The following SLC39A14 variants were observed in gnomAD, a reference collection of about 807,000 sequenced individuals.
SLC39A14 encodes the protein solute carrier family 39 member 14, also known as metal cation symporter ZIP14.
SLC39A14 carries 19 observed loss-of-function variants against 45.5 expected under a neutral mutation model. The ratio of observed to expected loss-of-function variants is 0.42; its 90% CI spans 0.29 to 0.61. The LOEUF is 0.61. Ranked by LOEUF, SLC39A14 falls within the 20% of genes least tolerant of loss-of-function variation. The pLI, the probability that SLC39A14 is intolerant of heterozygous loss-of-function variation, is 0.22. For synonymous variants in SLC39A14, 264 were observed against 251.3 expected (o/e 1.05, Z -0.48); for missense variants, 447 against 616.5 (o/e 0.73, Z 2.91).
downstream of SLC39A14, among the ~76,000 whole-genome samples, chr8:22,426,539 C>T (rs1836390836): frequency 6.6e-6 from 1 of 152,170 alleles, no homozygotes. Flanking sequence ...ATTTGTGGAA[C>T]ACTGAGGTTC....
At chr8:22,406,860 G>A (rs1835251029) in intron 2 of SLC39A14, among the ~76,000 whole-genome samples, 2 of 152,272 alleles carry the variant, frequency 1.3e-5, no homozygotes, top group South Asian at 2.1e-4. Flanking sequence ...TCGGGGTGGC[G>A]GGAGTCCAGC....
chr8:22,397,536 C>T (rs988487792), intron 1 of SLC39A14, among the ~76,000 whole-genome samples: 3 of 152,108 alleles, frequency 2.0e-5, no homozygotes, highest in Admixed American at 6.5e-5. Flanking sequence ...CGAGATAGCG[C>T]CGCTGCACTC....
At chr8:22,423,788 C>T (rs1475700667), downstream of SLC39A14, among the ~76,000 whole-genome samples, 3 of 143,976 alleles carry the variant, frequency 2.1e-5, no homozygotes, top group South Asian at 4.5e-4. Flanking sequence ...TAATTGGTTT[C>T]TCTCTCTCTC....
At chr8:22,379,678 C>T (rs111442115) in intron 1 of SLC39A14, among the ~76,000 whole-genome samples, 4,799 of 152,216 alleles carry the variant, frequency 0.032, 233 homozygotes, top group African/African-American at 0.11. Flanking sequence ...CCCCTGTAAT[C>T]CCAGCACTTT....
chr8:22,402,003 G>C (rs1049885885), intron 1 of SLC39A14, among the ~76,000 whole-genome samples: 6 of 152,010 alleles, frequency 3.9e-5, no homozygotes, highest in Admixed American at 3.3e-4. Context: ...TTTACTTTTG[G>C]ATTACTTCTA....
At chr8:22,406,534 A>C (rs917677860) in intron 2 of SLC39A14, among the ~76,000 whole-genome samples, 3 of 152,164 alleles carry the variant, frequency 2.0e-5, no homozygotes, top group Admixed American at 2.0e-4. Context: ...TCTGCTAAAA[A>C]TACAAAAATT....
chr8:22,401,725 G>A (rs937659697), intron 1 of SLC39A14, among the ~76,000 whole-genome samples: 5 of 151,662 alleles, frequency 3.3e-5, no homozygotes, highest in Admixed American at 6.6e-5. Flanking sequence ...TACTACAGAC[G>A]GGGTTTCACC....
At chr8:22,388,994 G>T (rs560925101) in intron 1 of SLC39A14, among the ~76,000 whole-genome samples, 4 of 152,194 alleles carry the variant, frequency 2.6e-5, no homozygotes, top group African/African-American at 4.8e-5. Flanking sequence ...TCTTGCTGGC[G>T]CCCTGGTCGT....
At chr8:22,380,071 T>C (rs1189023929) in intron 1 of SLC39A14, among the ~76,000 whole-genome samples, 4 of 151,980 alleles carry the variant, frequency 2.6e-5, no homozygotes, top group African/African-American at 9.7e-5. Flanking sequence ...CTAGAGATGG[T>C]TTAAAGTCTA....
intron 1 of SLC39A14, among the ~76,000 whole-genome samples, chr8:22,404,294 C>T (rs893910000): frequency 2.0e-5 from 3 of 151,718 alleles, no homozygotes; most frequent in African/African-American, 4.8e-5. Context: ...GGTGTGGTGG[C>T]GGGCCCCTGT....
intron 1 of SLC39A14, among the ~76,000 whole-genome samples, chr8:22,384,879 G>A (rs187962294): frequency 2.0e-5 from 3 of 152,010 alleles, no homozygotes; most frequent in East Asian, 3.9e-4. Flanking sequence ...GTGAAACCCC[G>A]TCTCTACTAA....
In SLC39A14 at chr8:22,408,453, G is replaced by A. The variant is rs1835358102; in HGVS notation, c.414G>A (p.Glu138=). 2 of 1,614,060 alleles carry A rather than the reference G, an allele frequency of 1.2e-6. No homozygotes were observed. Residue 138 remains glutamate, a synonymous_variant, in exon 3 of 9, where the codon GAG becomes GAA. Coordinates refer to ENST00000381237, the MANE Select transcript of SLC39A14 (RefSeq NM_001128431.4). ...GCACCTCGGAGAACCAGGAAAACGA[G>A]GAGAATGAGCAGACGGAGGAGGGGC... ...RACTSENQEN[E]ENEQTEEGRP...
At chr8:22,418,289 G>GT (rs1836010390) in intron 8 of SLC39A14, among the ~76,000 whole-genome samples, 1 of 152,112 alleles carries the variant, frequency 6.6e-6, no homozygotes, top group African/African-American at 2.4e-5. Flanking sequence ...CCATTCAGCG[G>GT]TTTTTAAGGG....
intron 1 of SLC39A14, among the ~76,000 whole-genome samples, chr8:22,399,468 G>T (rs1432266615): frequency 6.6e-6 from 1 of 152,252 alleles, no homozygotes; most frequent in Non-Finnish European, 1.5e-5. Flanking sequence ...CCTTGCGGGT[G>T]AGTGCATGTC....
Position 22,415,888 on chromosome 8 carries a change from C to T in SLC39A14, c.870C>T (p.Cys290=). The change falls in exon 6 of 9, where the codon TGC becomes TGT. Residue 290 remains cysteine (C), a synonymous_variant. Coordinates refer to ENST00000381237, the MANE Select transcript of SLC39A14 (RefSeq NM_001128431.4). ...TGGACCACATGATTCCTCAGCACTGCAGCAGTGAGCTGGACGGCAAGGCGC... is the reference window on the plus strand; with the variant it reads ...TGGACCACATGATTCCTCAGCACTGTAGCAGTGAGCTGGACGGCAAGGCGC... ...GDLDHMIPQH[C]SSELDGKAPM... 1.2e-6 allele frequency: 2 copies of T among 1,612,654 alleles called. No homozygotes were observed. Among genetic ancestry groups the T allele is most frequent in the Admixed American group, 3.4e-5 (2 of 59,516 alleles).
At chr8:22,417,868 C>T (rs372466516) in intron 8 of SLC39A14, 33 bp downstream of exon 8, 52 of 1,571,828 alleles carry the variant, frequency 3.3e-5, no homozygotes, top group South Asian at 5.7e-5. Context: ...GATGAGAGGG[C>T]GGCTAAGGGG....
At chr8:22,431,508 T>C (rs1836466821) in intron 8 of SLC39A14, among the ~76,000 whole-genome samples, 1 of 152,222 alleles carries the variant, frequency 6.6e-6, no homozygotes, top group South Asian at 2.1e-4. Flanking sequence ...TTCCCTGTGC[T>C]TTTGTTAAAT....
Position 22,414,713 on chromosome 8 carries a change from A to G in SLC39A14, c.628-67A>G, listed in dbSNP as rs2280522. 0.033 allele frequency: 50,279 copies of G among 1,515,698 alleles called. 10,036 individuals are homozygous for G. The African/African-American group carries it at 0.51, about 15-fold the overall frequency. 93.9% of individuals were successfully genotyped at this position (1,515,698 alleles called of 1,614,324 possible). On this transcript the variant is annotated intron_variant, in intron 4 of 8. Transcript: ENST00000381237. ...CTAGAGTCAAGGAAGTAGTTAAGAG[A>G]TAAGAGGGGGATCAGTAAAGATGCT... is the stretch of plus-strand genomic sequence containing the variant.
rs771353406 is a variant in SLC39A14, at chr8:22,404,809, G to T, written c.99G>T (p.Leu33=). 6.2e-7 allele frequency: 1 copy of T among 1,613,316 alleles called. No homozygotes were observed. The highest frequency in any genetic ancestry group is 1.3e-5 in the African/African-American group (1 of 74,864). ...RTTPEAHASS[L]GAPAISAASF... ...CCCCTGAGGCTCACGCTTCATCCCT[G>T]GGTGCACCAGCTATCAGCGCTGCCT... Residue 33 remains leucine (L), a synonymous_variant, in exon 2 of 9, where the codon CTG becomes CTT. Coordinates refer to ENST00000381237, the MANE Select transcript of SLC39A14 (RefSeq NM_001128431.4).
Sources: gnomAD v4.1 joint callset for allele counts (sites outside exome capture counted in the v4.1 genomes callset) on GRCh38, gnomAD v4.1.1 for gene constraint, MANE v1.5 for transcripts, NCBI Gene and HGNC (gene_info 2026-07-23, HGNC 2026-07-21) for gene names.